The following GYPB variants were observed in gnomAD, a reference collection of about 807,000 sequenced individuals.
GYPB encodes glycophorin B (MNS blood group), also known as glycophorin-B.
In GYPB, 13 loss-of-function variants were observed where a neutral mutation model predicts 15.3. That is an observed-to-expected ratio of 0.85 (90% CI 0.55 to 1.35). GYPB has a LOEUF of 1.35. Ranked by LOEUF, GYPB falls within the 40% of genes most tolerant of loss-of-function variation. GYPB has a pLI of 0.00. For synonymous variants in GYPB, 38 were observed against 36.9 expected (o/e 1.03, Z -0.11); for missense variants, 131 against 108.3 (o/e 1.21, Z -0.93).
At chr4:144,006,002 A>C (rs1727894252) in intron 1 of GYPB, among the ~76,000 whole-genome samples, 1 of 151,626 alleles carries the variant, frequency 6.6e-6, no homozygotes, top group African/African-American at 2.4e-5. Flanking sequence ...TCAGATTGAT[A>C]AGAGTTTAAT....
downstream of GYPB, among the ~76,000 whole-genome samples, chr4:143,995,321 C>A (rs1362250768): frequency 1.3e-5 from 2 of 151,516 alleles, no homozygotes; most frequent in South Asian, 4.2e-4. Context: ...AGATTTGTGA[C>A]AATCTCTTAC....
intron 1 of GYPB, among the ~76,000 whole-genome samples, chr4:144,007,496 G>C (rs1404552857): frequency 0.082 from 11,900 of 144,544 alleles, 665 homozygotes; most frequent in Non-Finnish European, 0.11. Context: ...TTTTTATCCT[G>C]GCTCTGTACT....
intron 1 of GYPB, among the ~76,000 whole-genome samples, chr4:144,005,773 C>G (rs1727879924): frequency 6.6e-6 from 1 of 151,764 alleles, no homozygotes; most frequent in Non-Finnish European, 1.5e-5. Flanking sequence ...ATTTTCTTAG[C>G]TGCATGGGCC....
rs577375587 is a variant in GYPB, at chr4:143,999,348, T to C, written c.175+63A>G. The stretch of plus-strand genomic sequence containing the variant: ...AGATAGACACATTTTCTTAGGCATT[T>C]GAAACAAGCAATGGATAGTTTAAAA... On this transcript the variant is annotated intron_variant, in intron 3 of 4. Transcript: ENST00000502664. 11 of 850,620 alleles carry C rather than the reference T, an allele frequency of 1.3e-5. No individual in the cohort carries two copies. In the African/African-American group the frequency reaches 1.9e-4, roughly 15 times the overall value. The allele number at this position is 850,620 out of a possible 1,614,324, so 52.7% of individuals were successfully genotyped here.
At position 143,997,527 on chromosome 4, in the gene GYPB, A is replaced by G. The variant is rs369647882; in HGVS notation, c.270+13T>C. On this transcript the variant is annotated intron_variant, in intron 4 of 4. Coordinates refer to ENST00000502664, the MANE Select transcript of GYPB (RefSeq NM_002100.6). The stretch of plus-strand genomic sequence containing the variant: ...ACTGGTATTTAGAGCAAAATTAAAA[A>G]CTGAATTCTCACCTTTATCAGTCGG... The G allele has an allele frequency of 1.3e-6, 2 of 1,485,426 alleles. No homozygotes were observed. The highest frequency in any genetic ancestry group is 1.9e-6 in the Non-Finnish European group (2 of 1,066,172). 92.0% of individuals were successfully genotyped at this position (1,485,426 alleles called of 1,614,324 possible).
intron 1 of GYPB, among the ~76,000 whole-genome samples, chr4:144,016,615 G>A (rs1460051065): frequency 2.0e-5 from 3 of 151,236 alleles, no homozygotes; most frequent in African/African-American, 2.5e-5. Context: ...AAATTAGTAT[G>A]TTATGACCTA....
At chr4:144,014,812 A>G (rs1031395958) in intron 1 of GYPB, among the ~76,000 whole-genome samples, 4 of 151,596 alleles carry the variant, frequency 2.6e-5, no homozygotes, top group African/African-American at 7.3e-5. Flanking sequence ...TTAAAAATTA[A>G]GTGTATGTAA....
In GYPB at chr4:143,996,362, C is replaced by T. The variant is rs1727312512; in HGVS notation, c.271-58G>A. 4.5e-6 allele frequency: 7 copies of T among 1,549,580 alleles called. No individual in the cohort carries two copies. In the South Asian group the frequency reaches 7.1e-5, roughly 16 times the overall value. On this transcript the variant is annotated intron_variant, in intron 4 of 4. Transcript: ENST00000502664. ...GCCTCTGCTTGACCATGAGCTAAGACTCCACTTCAGCCTCTGATTGGTCAC... is the reference window on the plus strand; with the variant it reads ...GCCTCTGCTTGACCATGAGCTAAGATTCCACTTCAGCCTCTGATTGGTCAC...
At chr4:144,018,471 A>G (rs1387738311) in intron 1 of GYPB, among the ~76,000 whole-genome samples, 8 of 151,308 alleles carry the variant, frequency 5.3e-5, no homozygotes, top group Non-Finnish European at 8.8e-5. Flanking sequence ...GTTTCAAGCA[A>G]CTGCCTGCCC....
intron 4 of GYPB, 74 bp downstream of exon 4, chr4:143,997,465 TG>T: frequency 1.2e-6 from 1 of 821,394 alleles, no homozygotes; most frequent in Non-Finnish European, 2.1e-6. Context: ...TGAGTTTAAC[TG>T]AACTCAGAGG....
chr4:144,015,265 T>C (rs1299770189), intron 1 of GYPB, among the ~76,000 whole-genome samples: 1 of 151,416 alleles, frequency 6.6e-6, no homozygotes, highest in Non-Finnish European at 1.5e-5. Flanking sequence ...CACTCAGAGA[T>C]AAGCCCGGAA....
At chr4:144,013,823 A>G (rs1728349368) in intron 1 of GYPB, among the ~76,000 whole-genome samples, 1 of 151,046 alleles carries the variant, frequency 6.6e-6, no homozygotes, top group Non-Finnish European at 1.5e-5. Flanking sequence ...CTAATGCTAG[A>G]TGATGAGTTA....
intron 1 of GYPB, chr4:144,008,409 G>T (rs1728038857): frequency 2.2e-6 from 1 of 455,208 alleles, no homozygotes; most frequent in Non-Finnish European, 4.4e-6. Context: ...ATAGCCTGAG[G>T]GTAGGAGTGT....
chr4:144,000,615 G>C, intron 2 of GYPB: 6 of 307,384 alleles, frequency 2.0e-5, no homozygotes, highest in South Asian at 9.1e-5. Context: ...AAACTAACAA[G>C]AGAGACTGCC....
chr4:144,001,661 G>A (rs924457669), intron 1 of GYPB, among the ~76,000 whole-genome samples: 1 of 151,084 alleles, frequency 6.6e-6, no homozygotes, highest in Non-Finnish European at 1.5e-5. Flanking sequence ...TATAGTACTT[G>A]ACACATAAAG....
chr4:144,017,130 C>T (rs1312385732), intron 1 of GYPB, among the ~76,000 whole-genome samples: 1 of 150,814 alleles, frequency 6.6e-6, no homozygotes, highest in Admixed American at 6.6e-5. Flanking sequence ...TTTCTTCCTG[C>T]CCTGGGCTCA....
intron 1 of GYPB, among the ~76,000 whole-genome samples, chr4:144,011,441 A>T (rs1298107240): frequency 6.6e-6 from 1 of 151,328 alleles, no homozygotes; most frequent in African/African-American, 2.5e-5. Flanking sequence ...TCTTAGGCAA[A>T]GTAGAATTAA....
intron 1 of GYPB, chr4:144,002,501 T>G: frequency 1.2e-6 from 1 of 838,598 alleles, no homozygotes; most frequent in Non-Finnish European, 1.7e-6. Context: ...TGCATTCATG[T>G]GTTTTTCACT....
rs189852355 is a variant in GYPB, at chr4:144,017,207, G to C, written c.37+2044C>G. Among the ~76,000 whole-genome samples the C allele has an allele frequency of 3.6e-3, 539 of 150,640 alleles. 29 individuals carry two copies. Among genetic ancestry groups the C allele is most frequent in the African/African-American group, 0.013 (504 of 40,204 alleles). On this transcript the variant is annotated intron_variant, in intron 1 of 4. Transcript: ENST00000502664. ...AATGAGTGCAGGAATTCAGGGACTG[G>C]GAATCAAGTCATATTAGAAAAAATG...
Sources: allele counts gnomAD v4.1 joint callset (sites outside exome capture counted in the v4.1 genomes callset), GRCh38; gene constraint gnomAD v4.1.1; transcripts MANE v1.5; gene names NCBI Gene and HGNC (gene_info 2026-07-23, HGNC 2026-07-21).